MTUS2: variants seen among roughly 807,000 people sequenced by gnomAD.
MTUS2 encodes microtubule associated scaffold protein 2.
In MTUS2, 40 loss-of-function variants were observed where a neutral mutation model predicts 114.1. The observed-to-expected ratio is 0.35, with a 90% CI of 0.27 to 0.46. The LOEUF is 0.46. Among genes scored for constraint, MTUS2 ranks in the 20% least tolerant of loss-of-function variants. MTUS2 has a pLI of 1.00. For synonymous variants in MTUS2, 688 were observed against 672.0 expected, an observed-to-expected ratio of 1.02 and a Z score of -0.37; for missense variants, 1,679 against 1,705.4, an observed-to-expected ratio of 0.98 and a Z score of 0.27.
intron 4 of MTUS2, among the ~76,000 whole-genome samples, chr13:29,036,491 T>A (rs1002745165): frequency 6.6e-6 from 1 of 152,192 alleles, no homozygotes; most frequent in Non-Finnish European, 1.5e-5. Flanking sequence ...TTCTATCAGA[T>A]TGGGGTGGAG....
intron 2 of MTUS2, among the ~76,000 whole-genome samples, chr13:28,939,321 G>A (rs1378206609): frequency 6.6e-6 from 1 of 152,160 alleles, no homozygotes; most frequent in African/African-American, 2.4e-5. Context: ...GCAACAGGTA[G>A]CTAAAGACTA....
intron 8 of MTUS2, among the ~76,000 whole-genome samples, chr13:29,423,863 A>AT (rs374587144): frequency 0.023 from 3,225 of 142,610 alleles, 78 homozygotes; most frequent in African/African-American, 0.053. Flanking sequence ...GTTAACAGTA[A>AT]TTTTTTTTTT....
At chr13:29,096,996 C>T (rs1566006307) in intron 4 of MTUS2, among the ~76,000 whole-genome samples, 2 of 152,154 alleles carry the variant, frequency 1.3e-5, no homozygotes, top group East Asian at 1.9e-4. Flanking sequence ...CTTTTGACCA[C>T]TCTCTCATGT....
Position 29,256,393 on chromosome 13 carries a change from C to T in MTUS2, c.2645-25311C>T, listed in dbSNP as rs113268811. Among the ~76,000 whole-genome samples the T allele has an allele frequency of 3.1e-3, 471 of 152,284 alleles. 1 individual carries two copies. Among genetic ancestry groups the T allele is most frequent in the African/African-American group, 0.011 (440 of 41,578 alleles). On this transcript the variant is annotated intron_variant, in intron 5 of 15. Coordinates refer to ENST00000612955, the MANE Select transcript of MTUS2 (RefSeq NM_001033602.4). The stretch of plus-strand genomic sequence containing the variant: ...TGAGACACTGAAGGGGGCCAGGTGC[C>T]AAGCCCTGTAAGACGAGGTCTGTGA...
chr13:28,850,816 C>A (rs1024913174), intron 2 of MTUS2, among the ~76,000 whole-genome samples: 1 of 152,092 alleles, frequency 6.6e-6, no homozygotes, highest in East Asian at 1.9e-4. Flanking sequence ...CATTATTATA[C>A]CTGTTCTTAT....
chr13:29,481,989 T>G (rs1881221305), intron 10 of MTUS2: 1 of 152,206 alleles, frequency 6.6e-6, no homozygotes, highest in African/African-American at 2.4e-5. Flanking sequence ...GTCTACAGTC[T>G]TACTCATTTT....
intron 8 of MTUS2, among the ~76,000 whole-genome samples, chr13:29,391,526 T>TG (rs1250395265): frequency 1.3e-5 from 2 of 148,670 alleles, no homozygotes. Context: ...TCTGATTCTT[T>TG]ATTCCACATG....
At chr13:29,500,792 AACACACACACACACACACAC>A (rs3066073) in intron 14 of MTUS2, among the ~76,000 whole-genome samples, 5 of 144,278 alleles carry the variant, frequency 3.5e-5, no homozygotes, top group Non-Finnish European at 7.6e-5. Flanking sequence ...TTACATCAGA[AACACACACACACACACACAC>A]ACACACACAC....
intron 7 of MTUS2, among the ~76,000 whole-genome samples, chr13:29,337,540 G>T (rs949236438): frequency 6.6e-6 from 1 of 151,920 alleles, no homozygotes; most frequent in African/African-American, 2.4e-5. Context: ...AAAATCACCC[G>T]CCTTCTGCGT....
At chr13:29,233,414 G>A (rs560775335) in intron 5 of MTUS2, among the ~76,000 whole-genome samples, 77 of 152,230 alleles carry the variant, frequency 5.1e-4, no homozygotes, top group Non-Finnish European at 9.3e-4. Context: ...TGTACCCACC[G>A]TGAAGTCTAC....
At position 29,229,405 on chromosome 13, in the gene MTUS2, T is replaced by G. The variant is rs184933320; in HGVS notation, c.2645-52299T>G. ...TCATGGTTCAGGGTCAAGGACACTTTTAATATGTACGATACTAAATGCAGA... is the reference window on the plus strand; with the variant it reads ...TCATGGTTCAGGGTCAAGGACACTTGTAATATGTACGATACTAAATGCAGA... On this transcript the variant is annotated intron_variant, in intron 5 of 15. Transcript: ENST00000612955. Among the ~76,000 whole-genome samples the G allele has an allele frequency of 3.2e-4, 49 of 152,338 alleles. No homozygotes were observed. The East Asian group carries it at 4.1e-3, about 13-fold the overall frequency.
At chr13:29,309,948 T>C (rs1460199578) in intron 6 of MTUS2, among the ~76,000 whole-genome samples, 1 of 152,172 alleles carries the variant, frequency 6.6e-6, no homozygotes, top group Non-Finnish European at 1.5e-5. Flanking sequence ...TCATTATTTT[T>C]AAATATACAA....
At chr13:29,389,078 A>G (rs553797397) in intron 8 of MTUS2, among the ~76,000 whole-genome samples, 5 of 152,134 alleles carry the variant, frequency 3.3e-5, no homozygotes, top group African/African-American at 1.2e-4. Context: ...AAAGAATGTT[A>G]CATACTTGAT....
chr13:29,227,473 C>T (rs1283587618), intron 5 of MTUS2, among the ~76,000 whole-genome samples: 1 of 152,116 alleles, frequency 6.6e-6, no homozygotes, highest in African/African-American at 2.4e-5. Context: ...GTGACCTGAG[C>T]CCTTTGGCTT....
chr13:29,085,128 T>G (rs1565999555), intron 4 of MTUS2, among the ~76,000 whole-genome samples: 1 of 152,184 alleles, frequency 6.6e-6, no homozygotes, highest in Non-Finnish European at 1.5e-5. Flanking sequence ...CCATGTGACA[T>G]GCAGGCTTCC....
chr13:29,460,476 T>A (rs1879404896), intron 9 of MTUS2, among the ~76,000 whole-genome samples: 1 of 152,160 alleles, frequency 6.6e-6, no homozygotes, highest in African/African-American at 2.4e-5. Context: ...AGGCTGGGCA[T>A]TCAATGTTTA....
In MTUS2 at chr13:28,881,699, G is replaced by A. The variant is rs61950534; in HGVS notation, c.-243+41849G>A. ...CTATTTAAAAATTATAGCTCATTGTGGTTTTAATTTGCATTTCTCTGGTGA... is the reference window on the plus strand; with the variant it reads ...CTATTTAAAAATTATAGCTCATTGTAGTTTTAATTTGCATTTCTCTGGTGA... On this transcript the variant is annotated intron_variant, in intron 2 of 15. Coordinates refer to ENST00000612955, the MANE Select transcript of MTUS2 (RefSeq NM_001033602.4). Among the ~76,000 whole-genome samples, 1,059 of 152,040 alleles carry A rather than the reference G, an allele frequency of 7.0e-3. 5 individuals carry two copies. The highest frequency in any genetic ancestry group is 0.01 in the Non-Finnish European group (701 of 67,950).
Position 29,171,329 on chromosome 13 carries a change from G to C in MTUS2, c.2644+70359G>C, listed in dbSNP as rs542647407. Among the ~76,000 whole-genome samples the C allele has an allele frequency of 3.7e-4, 57 of 152,296 alleles. No homozygotes were observed. In the Middle Eastern group the frequency reaches 0.01, roughly 27 times the overall value. On this transcript the variant is annotated intron_variant, in intron 5 of 15. Coordinates refer to ENST00000612955, the MANE Select transcript of MTUS2 (RefSeq NM_001033602.4). ...GTTGAGCACAATTGAATCCCAATTA[G>C]TGAATAAGAATCCAGCAGGACCTGA...
chr13:29,388,920 T>A (rs924059251), intron 8 of MTUS2, among the ~76,000 whole-genome samples: 1 of 152,040 alleles, frequency 6.6e-6, no homozygotes, highest in African/African-American at 2.4e-5. Flanking sequence ...TGTCTCATTG[T>A]ACGTATATAG....
Sources: gnomAD v4.1 joint callset for allele counts (sites outside exome capture counted in the v4.1 genomes callset) on GRCh38, gnomAD v4.1.1 for gene constraint, MANE v1.5 for transcripts, NCBI Gene and HGNC (gene_info 2026-07-23, HGNC 2026-07-21) for gene names.